The following RSPO2 variants were observed in gnomAD, a reference collection of about 807,000 sequenced individuals.
RSPO2 encodes R-spondin-2.
In RSPO2, 14 loss-of-function variants were observed where a neutral mutation model predicts 30.9. That is an observed-to-expected ratio of 0.45 (90% CI 0.30 to 0.71). The LOEUF (loss-of-function observed/expected upper bound fraction) is 0.71. Among genes scored for constraint, RSPO2 ranks in the 30% least tolerant of loss-of-function variants. The pLI, the probability that RSPO2 is intolerant of heterozygous loss-of-function variation, is 0.08. For synonymous variants in RSPO2, 107 were observed against 96.4 expected, an observed-to-expected ratio of 1.11 and a Z score of -0.64; for missense variants, 264 against 301.9, an observed-to-expected ratio of 0.87 and a Z score of 0.93.
intron 2 of RSPO2, among the ~76,000 whole-genome samples, chr8:108,078,276 C>A (rs983161008): frequency 6.6e-6 from 1 of 152,130 alleles, no homozygotes; most frequent in South Asian, 2.1e-4. Context: ...TGGTAAGACC[C>A]TGCCTTAAAA....
chr8:108,039,937 G>A (rs1217473664), intron 2 of RSPO2, among the ~76,000 whole-genome samples: 3 of 152,118 alleles, frequency 2.0e-5, no homozygotes, highest in Non-Finnish European at 2.9e-5. Context: ...AGGATACAAT[G>A]AGAAGTTGGC....
Position 107,948,179 on chromosome 8 carries a change from G to A in RSPO2, c.616+9901C>T, listed in dbSNP as rs149086595. Among the ~76,000 whole-genome samples the A allele has an allele frequency of 1.9e-4, 29 of 151,970 alleles. 1 individual carries two copies. The East Asian group carries it at 2.7e-3, about 14-fold the overall frequency. ...TCTTTAATGTGCATTTTCTTATTCC[G>A]TAACCTGGCTATAAACTCTCTTGTT... On this transcript the variant is annotated intron_variant, in intron 5 of 5. Coordinates refer to ENST00000276659, the MANE Select transcript of RSPO2 (RefSeq NM_178565.5).
At position 107,913,499 on chromosome 8, in the gene RSPO2, T is replaced by C. The variant is rs147189498; in HGVS notation, c.617-12309A>G. On this transcript the variant is annotated intron_variant, in intron 5 of 5. Coordinates refer to ENST00000276659, the MANE Select transcript of RSPO2 (RefSeq NM_178565.5). ...CCACAAGACCAGACAAATATTTTGGTCACTTCAGAATCTTTGTCAACTACC... is the reference window on the plus strand; with the variant it reads ...CCACAAGACCAGACAAATATTTTGGCCACTTCAGAATCTTTGTCAACTACC... Among the ~76,000 whole-genome samples the C allele has an allele frequency of 1.5e-3, 231 of 152,238 alleles. 7 individuals carry two copies. The East Asian group carries it at 0.039, about 26-fold the overall frequency.
intron 2 of RSPO2, among the ~76,000 whole-genome samples, chr8:108,072,049 G>T (rs1812862941): frequency 6.6e-6 from 1 of 152,150 alleles, no homozygotes; most frequent in East Asian, 1.9e-4. Context: ...ATTTTTGGGG[G>T]TGAGCAGATG....
intron 2 of RSPO2, among the ~76,000 whole-genome samples, chr8:108,007,856 C>A (rs1345545457): frequency 6.6e-6 from 1 of 152,090 alleles, no homozygotes; most frequent in Non-Finnish European, 1.5e-5. Flanking sequence ...AGGAGGGTCA[C>A]GTGAGCCCAA....
At chr8:108,060,953 G>A (rs1316814557) in intron 2 of RSPO2, among the ~76,000 whole-genome samples, 1 of 151,706 alleles carries the variant, frequency 6.6e-6, no homozygotes, top group Non-Finnish European at 1.5e-5. Flanking sequence ...AAGTGAAGGA[G>A]AAATAAAATC....
intron 5 of RSPO2, among the ~76,000 whole-genome samples, chr8:107,926,041 T>C (rs2130326633): frequency 6.6e-6 from 1 of 152,294 alleles, no homozygotes; most frequent in Non-Finnish European, 1.5e-5. Context: ...AGTGTTCCTA[T>C]TTCTCCACAT....
At chr8:108,048,619 G>A (rs994426556) in intron 2 of RSPO2, among the ~76,000 whole-genome samples, 3 of 151,990 alleles carry the variant, frequency 2.0e-5, no homozygotes, top group African/African-American at 2.4e-5. Context: ...CAAAAAACCC[G>A]CTCCTGGATT....
chr8:108,028,443 T>C (rs948275456), intron 2 of RSPO2, among the ~76,000 whole-genome samples: 17 of 152,168 alleles, frequency 1.1e-4, no homozygotes, highest in Admixed American at 7.9e-4. Flanking sequence ...CAGGACACTT[T>C]CTCTTCACTC....
intron 5 of RSPO2, 74 bp downstream of exon 5, chr8:107,958,006 G>T: frequency 5.1e-6 from 5 of 981,366 alleles, no homozygotes; most frequent in Admixed American, 2.6e-5. Flanking sequence ...CTTATTTTTG[G>T]AAGGGAAGGT....
Position 108,018,630 on chromosome 8 carries a change from G to T in RSPO2, c.95-29386C>A, listed in dbSNP as rs745414470. Among the ~76,000 whole-genome samples, 19 of 152,138 alleles carry T rather than the reference G, an allele frequency of 1.2e-4. 1 individual carries two copies. Among genetic ancestry groups the T allele is most frequent in the Non-Finnish European group, 2.4e-4 (16 of 67,996 alleles). Reference sequence around the variant, plus strand: ...TATTCAGTAAGAATTAAATTTCTTTGTTCCCCTTTGCCAAATGTCTTAAAT... The same window carrying T: ...TATTCAGTAAGAATTAAATTTCTTTTTTCCCCTTTGCCAAATGTCTTAAAT... On this transcript the variant is annotated intron_variant, in intron 2 of 5. Transcript: ENST00000276659.
chr8:108,049,818 T>G (rs2514842), intron 2 of RSPO2, among the ~76,000 whole-genome samples: 74,746 of 151,892 alleles, frequency 0.49, 18,325 homozygotes, highest in African/African-American at 0.54. Context: ...GGGCATGTGG[T>G]TTGGTTCCAA....
At position 107,900,962 on chromosome 8, in the gene RSPO2, C is replaced by T. The variant is rs1231735405; in HGVS notation, c.*113G>A. The T allele has an allele frequency of 1.8e-6, 2 of 1,110,090 alleles. No individual in the cohort carries two copies. The highest frequency in any genetic ancestry group is 2.6e-6 in the Non-Finnish European group (2 of 776,840). 68.8% of individuals were successfully genotyped at this position (1,110,090 alleles called of 1,614,324 possible). A position where few individuals can be genotyped will look rare whatever the true frequency, so the allele number is the denominator to read the frequency against. ...CTTCCTTTCACCATGTTACTGGGAA[C>T]AGATACTGGGCAGAGCAGCACAAAG... On this transcript the variant is annotated 3_prime_UTR_variant, in exon 6 of 6. Coordinates refer to ENST00000276659, the MANE Select transcript of RSPO2 (RefSeq NM_178565.5).
intron 2 of RSPO2, among the ~76,000 whole-genome samples, chr8:108,004,282 CT>C (rs1461740061): frequency 2.0e-5 from 3 of 152,110 alleles, no homozygotes; most frequent in Admixed American, 1.3e-4. Context: ...AAGGCCAGCA[CT>C]TTTTACAGAG....
At chr8:108,057,850 G>A (rs1812306291) in intron 2 of RSPO2, among the ~76,000 whole-genome samples, 1 of 152,148 alleles carries the variant, frequency 6.6e-6, no homozygotes, top group Non-Finnish European at 1.5e-5. Context: ...TGCTGAAGTT[G>A]CTTATCAGCT....
At chr8:107,931,355 G>A (rs1259364838) in intron 5 of RSPO2, among the ~76,000 whole-genome samples, 2 of 152,052 alleles carry the variant, frequency 1.3e-5, no homozygotes, top group Non-Finnish European at 2.9e-5. Flanking sequence ...GTCCAGTAAA[G>A]CCCTTGGTAA....
intron 5 of RSPO2, among the ~76,000 whole-genome samples, chr8:107,946,491 C>T (rs774954118): frequency 2.6e-5 from 4 of 152,060 alleles, no homozygotes; most frequent in Non-Finnish European, 4.4e-5. Context: ...GAGGTGCCCA[C>T]GAACGGACAA....
chr8:108,001,171 G>A (rs142757856), intron 2 of RSPO2, among the ~76,000 whole-genome samples: 328 of 152,142 alleles, frequency 2.2e-3, no homozygotes, highest in Non-Finnish European at 3.5e-3. Context: ...CAGCCTGGGC[G>A]ACAGAGCGAG....
intron 2 of RSPO2, among the ~76,000 whole-genome samples, chr8:108,010,414 A>G (rs1407294092): frequency 6.6e-6 from 1 of 152,216 alleles, no homozygotes; most frequent in Non-Finnish European, 1.5e-5. Flanking sequence ...CATCCCAGAC[A>G]CTTATGTGAG....
Sources: allele counts gnomAD v4.1 joint callset (sites outside exome capture counted in the v4.1 genomes callset), GRCh38; gene constraint gnomAD v4.1.1; transcripts MANE v1.5; gene names NCBI Gene and HGNC (gene_info 2026-07-23, HGNC 2026-07-21).